ITPRID1: variants seen among roughly 807,000 people sequenced by gnomAD.
ITPRID1 encodes the protein ITPR interacting domain containing 1, also known as protein ITPRID1.
ITPRID1 carries 96 observed loss-of-function variants against 95.4 expected under a neutral mutation model. The ratio of observed to expected loss-of-function variants is 1.01; its 90% CI spans 0.85 to 1.19. ITPRID1 has a LOEUF of 1.19. Among genes scored for constraint, ITPRID1 ranks in the 50% most tolerant of loss-of-function variants. ITPRID1 has a pLI of 0.00. For synonymous variants in ITPRID1, 510 were observed against 453.6 expected, an observed-to-expected ratio of 1.12 and a Z score of -1.58; for missense variants, 1,339 against 1,252.9, an observed-to-expected ratio of 1.07 and a Z score of -1.04.
chr7:31,556,833 GTTCTGTTGTTT>G (rs1249886855), intron 5 of ITPRID1, among the ~76,000 whole-genome samples: 49 of 152,192 alleles, frequency 3.2e-4, no homozygotes, highest in Admixed American at 2.2e-3. Context: ...TAAGCACCAA[GTTCTGTTGTTT>G]TAACAACAGA....
At chr7:31,621,777 G>A (rs1265421551) in intron 10 of ITPRID1, among the ~76,000 whole-genome samples, 1 of 148,144 alleles carries the variant, frequency 6.8e-6, no homozygotes, top group Non-Finnish European at 1.5e-5. Flanking sequence ...AAATGTAAAT[G>A]GACTAAATGC....
chr7:31,555,112 A>G (rs565495113), intron 5 of ITPRID1: 37 of 520,620 alleles, frequency 7.1e-5, no homozygotes, highest in African/African-American at 6.9e-4. Flanking sequence ...GGCCGAACCC[A>G]GGGCTCTTGC....
At chr7:31,557,212 C>T (rs1784477265) in intron 5 of ITPRID1, among the ~76,000 whole-genome samples, 1 of 152,074 alleles carries the variant, frequency 6.6e-6, no homozygotes, top group African/African-American at 2.4e-5. Flanking sequence ...TTCCAGGGGA[C>T]TCTAGTCAAC....
In ITPRID1 at chr7:31,557,304, T is replaced by C. The variant is rs549381565; in HGVS notation, c.256+2403T>C. On this transcript the variant is annotated intron_variant, in intron 5 of 14. Coordinates refer to ENST00000615280, the MANE Select transcript of ITPRID1 (RefSeq NM_001257967.3). Reference sequence around the variant, plus strand: ...CACTAAGGTAGCAGCAAGATCTAAGTGTCTTCATCTTACAGGTGACCCAGT... The same window carrying C: ...CACTAAGGTAGCAGCAAGATCTAAGCGTCTTCATCTTACAGGTGACCCAGT... Among the ~76,000 whole-genome samples the C allele has an allele frequency of 3.9e-5, 6 of 152,176 alleles. No homozygotes were observed. The East Asian group carries it at 7.8e-4, about 20-fold the overall frequency.
rs1198683277 is a variant in ITPRID1, at chr7:31,577,976, G to A, written c.712G>A (p.Val238Met). The A allele has an allele frequency of 3.7e-6, 6 of 1,613,644 alleles. No homozygotes were observed. The highest frequency in any genetic ancestry group is 4.2e-6 in the Non-Finnish European group (5 of 1,179,824). ...TGAAGAGAAAGCTGGAGGAGAGAGT[G>A]TGCAAAGAACCTCAGTGAGTGCCGC... The part of the protein sequence containing the change: ...RAEEKAGGES[V>M]QRTSVSAAKE... The change falls in exon 9 of 15, where the codon GTG (valine) becomes ATG (methionine). Residue 238 changes from valine (V) to methionine (M), a missense_variant. Physicochemically the swap from Val to Met is conservative, Grantham distance 21 (BLOSUM62 1). Transcript: ENST00000615280.
intron 10 of ITPRID1, among the ~76,000 whole-genome samples, chr7:31,610,579 T>A (rs1665415391): frequency 6.6e-6 from 1 of 151,696 alleles, no homozygotes; most frequent in Admixed American, 6.6e-5. Flanking sequence ...TTGAATTATC[T>A]GTTTTTCTCT....
chr7:31,592,722 C>G (rs187938485), intron 10 of ITPRID1, among the ~76,000 whole-genome samples: 2 of 152,138 alleles, frequency 1.3e-5, no homozygotes, highest in African/African-American at 4.8e-5. Flanking sequence ...CCCATTTGCC[C>G]ATTCACCGCT....
chr7:31,583,221 T>A lies in ITPRID1; in HGVS notation c.1228+30T>A, dbSNP rs937927170. 4.1e-6 allele frequency: 6 copies of A among 1,466,696 alleles called. No homozygotes were observed. The African/African-American group carries it at 7.0e-5, about 17-fold the overall frequency. The allele number at this position is 1,466,696 out of a possible 1,614,324, so 90.9% of individuals were successfully genotyped here. On this transcript the variant is annotated intron_variant, in intron 10 of 14. Coordinates refer to ENST00000615280, the MANE Select transcript of ITPRID1 (RefSeq NM_001257967.3). The stretch of plus-strand genomic sequence containing the variant: ...GAATTCATCAAGGTGTGTGATCTCA[T>A]CAATGGTCTTTCAGAATGTAAATAA...
intron 5 of ITPRID1, among the ~76,000 whole-genome samples, chr7:31,565,152 G>A (rs1328296404): frequency 6.6e-6 from 1 of 152,156 alleles, no homozygotes; most frequent in African/African-American, 2.4e-5. Flanking sequence ...AGCTATCACT[G>A]CTTCTGCAAT....
chr7:31,536,487 C>T (rs957191729), intron 1 of ITPRID1, among the ~76,000 whole-genome samples: 6 of 152,114 alleles, frequency 3.9e-5, no homozygotes, highest in Admixed American at 3.9e-4. Flanking sequence ...TTACCATTTC[C>T]TGTCTTAATG....
chr7:31,651,086 G>A, intron 12 of ITPRID1, 56 bp from the exon 13 acceptor site: 5 of 1,576,262 alleles, frequency 3.2e-6, no homozygotes, highest in South Asian at 2.4e-5. Flanking sequence ...ACCATGGTGA[G>A]CTCTTGCAGA....
intron 1 of ITPRID1, among the ~76,000 whole-genome samples, chr7:31,522,232 G>A (rs189164543): frequency 3.3e-5 from 5 of 152,158 alleles, no homozygotes; most frequent in African/African-American, 7.2e-5. Context: ...ACAGACCCAC[G>A]ATTAAAGTAT....
chr7:31,535,148 G>A (rs1021502219), intron 1 of ITPRID1, among the ~76,000 whole-genome samples: 12 of 152,134 alleles, frequency 7.9e-5, no homozygotes, highest in Middle Eastern at 3.4e-3. Context: ...AGCCATATAT[G>A]GGTAGTGGTT....
chr7:31,540,177 A>T (rs1315502028), intron 1 of ITPRID1, among the ~76,000 whole-genome samples: 1 of 152,070 alleles, frequency 6.6e-6, no homozygotes, highest in Non-Finnish European at 1.5e-5. Context: ...TGTAGGAGTA[A>T]CACCGTCTGT....
chr7:31,578,196 T>G lies in ITPRID1; in HGVS notation c.932T>G (p.Leu311Arg), dbSNP rs1297252518. ...SINHKQNHLS[L>R]SVEHQSLQAC... is the part of the protein sequence containing the mutation. Reference sequence around the variant, plus strand: ...AACCACAAGCAAAATCATTTGTCTCTGTCAGTAGAACATCAGTCTCTCCAA... The same window carrying G: ...AACCACAAGCAAAATCATTTGTCTCGGTCAGTAGAACATCAGTCTCTCCAA... Residue 311 changes from leucine to arginine, a missense_variant, in exon 9 of 15, where the codon CTG becomes CGG. Transcript: ENST00000615280. 6.2e-7 allele frequency: 1 copy of G among 1,613,794 alleles called. No homozygotes were observed. The highest frequency in any genetic ancestry group is 8.5e-7 in the Non-Finnish European group (1 of 1,179,766).
At chr7:31,657,504 T>C (rs1359792571), downstream of ITPRID1, among the ~76,000 whole-genome samples, 1 of 152,220 alleles carries the variant, frequency 6.6e-6, no homozygotes, top group Non-Finnish European at 1.5e-5. Flanking sequence ...GTCGCTTTCA[T>C]ACAAGGAGAT....
chr7:31,622,483 T>A (rs1016292347), intron 10 of ITPRID1, among the ~76,000 whole-genome samples: 1 of 149,760 alleles, frequency 6.7e-6, no homozygotes, highest in African/African-American at 2.4e-5. Context: ...ACATGGAAAC[T>A]GAACAACCTA....
intron 1 of ITPRID1, among the ~76,000 whole-genome samples, chr7:31,517,162 C>T (rs533535181): frequency 1.3e-5 from 2 of 152,286 alleles, no homozygotes; most frequent in South Asian, 4.1e-4. Context: ...TGCTTTTATT[C>T]CCTTATGTGG....
chr7:31,651,946 G>A lies in ITPRID1; in HGVS notation c.2719G>A (p.Ala907Thr), dbSNP rs1790995031. 2 of 1,592,608 alleles carry A rather than the reference G, an allele frequency of 1.3e-6. No individual in the cohort carries two copies. Among genetic ancestry groups the A allele is most frequent in the African/African-American group, 2.7e-5 (2 of 74,630 alleles). The change falls in exon 14 of 15, where the codon GCC becomes ACC. Residue 907 changes from alanine (A) to threonine (T), a missense_variant. Transcript: ENST00000615280. ...TCTATTATTTACTTGCAGGGAGGAG[G>A]CCGAGCAACTGCAAACGTTACGTGA... ...RDMSEEEREE[A>T]EQLQTLREAL...
Sources: allele counts gnomAD v4.1 joint callset (sites outside exome capture counted in the v4.1 genomes callset), GRCh38; gene constraint gnomAD v4.1.1; transcripts MANE v1.5; gene names NCBI Gene and HGNC (gene_info 2026-07-23, HGNC 2026-07-21).